The following CREB3L3 variants were observed in gnomAD, a reference collection of about 807,000 sequenced individuals.
The protein encoded by CREB3L3 is cyclic AMP-responsive element-binding protein 3-like protein 3.
Under a neutral mutation model 44.6 loss-of-function variants are expected in CREB3L3, and 40 were observed. The observed-to-expected ratio is 0.90, with a 90% CI of 0.70 to 1.17. The LOEUF is 1.17. Among genes scored for constraint, CREB3L3 ranks in the 50% most tolerant of loss-of-function variants. CREB3L3 has a pLI of 0.00. For missense variants in CREB3L3, 578 were observed against 595.8 expected (o/e 0.97, Z 0.31); for synonymous variants, 273 against 256.3 (o/e 1.06, Z -0.62).
chr19:4,169,579 C>T lies in CREB3L3; in HGVS notation c.822-561C>T, dbSNP rs960576800. ...AACATCACTGCCTGAATCTAGGAGGCTCAGCTTTTTTTTTTTTTTTTTTTT... is the reference window on the plus strand; with the variant it reads ...AACATCACTGCCTGAATCTAGGAGGTTCAGCTTTTTTTTTTTTTTTTTTTT... On this transcript the variant is annotated intron_variant, in intron 6 of 9. Coordinates refer to ENST00000078445, the MANE Select transcript of CREB3L3 (RefSeq NM_032607.3). Among the ~76,000 whole-genome samples the T allele has an allele frequency of 3.4e-5, 5 of 145,120 alleles. No homozygotes were observed. The East Asian group carries it at 8.0e-4, about 23-fold the overall frequency.
chr19:4,155,267 G>A (rs1405990462), intron 2 of CREB3L3, among the ~76,000 whole-genome samples: 3 of 152,188 alleles, frequency 2.0e-5, no homozygotes, highest in African/African-American at 4.8e-5. Flanking sequence ...AAGTCACACA[G>A]CAATTTGGAG....
rs764556015 is a variant in CREB3L3, at chr19:4,157,016, T to C, written c.178T>C (p.Ser60Pro). 4 of 1,613,868 alleles carry C rather than the reference T, an allele frequency of 2.5e-6. No homozygotes were observed. In the Admixed American group the frequency reaches 6.7e-5, roughly 27 times the overall value. ...KDQQVLPNPD[S>P]DDFLSSILGS... ...CCAGCAGGTCCTGCCAAACCCCGACTCTGACGACTTCCTCAGCTCCATCCT... is the reference window on the plus strand; with the variant it reads ...CCAGCAGGTCCTGCCAAACCCCGACCCTGACGACTTCCTCAGCTCCATCCT... Residue 60 changes from serine to proline, a missense_variant, in exon 3 of 10, where the codon TCT becomes CCT. Physicochemically the swap from Ser to Pro is moderately conservative, Grantham distance 74. Transcript: ENST00000078445.
chr19:4,159,583 AG>A, intron 3 of CREB3L3, 80 bp from the exon 4 acceptor site: 1 of 782,592 alleles, frequency 1.3e-6, no homozygotes, highest in South Asian at 1.3e-5. Flanking sequence ...GACTTGGTGG[AG>A]GAGGCGGTTA....
chr19:4,170,069 T>G (rs1967009061), intron 6 of CREB3L3, 71 bp from the exon 7 acceptor site: 2 of 1,456,356 alleles, frequency 1.4e-6, no homozygotes, highest in African/African-American at 2.8e-5. Context: ...GTGAGGCCTC[T>G]GGGGGAGATG....
At chr19:4,158,785 G>A (rs989765503) in intron 3 of CREB3L3, among the ~76,000 whole-genome samples, 1 of 147,780 alleles carries the variant, frequency 6.8e-6, no homozygotes, top group Admixed American at 6.8e-5. Context: ...TGGCGACAGA[G>A]CGAGACTCCG....
At chr19:4,166,169 A>G (rs534261873) in intron 5 of CREB3L3, among the ~76,000 whole-genome samples, 5 of 151,084 alleles carry the variant, frequency 3.3e-5, no homozygotes, top group East Asian at 2.0e-4. Context: ...GCTCACTCCA[A>G]CTTCCCCCTC....
intron 7 of CREB3L3, among the ~76,000 whole-genome samples, chr19:4,170,454 A>C (rs1366366025): frequency 6.6e-6 from 1 of 152,022 alleles, no homozygotes; most frequent in Non-Finnish European, 1.5e-5. Context: ...TACTAAAAAT[A>C]CAAAAAAATT....
Position 4,168,392 on chromosome 19 carries a change from G to C in CREB3L3, c.756G>C (p.Arg252=), listed in dbSNP as rs756380432. The C allele has an allele frequency of 2.0e-5, 33 of 1,611,666 alleles. No individual in the cohort carries two copies. Among genetic ancestry groups the C allele is most frequent in the Non-Finnish European group, 2.7e-5 (32 of 1,178,726 alleles). The change falls in exon 6 of 10, where the codon CGG becomes CGC. Residue 252 remains arginine (R), a synonymous_variant. Transcript: ENST00000078445. Reference sequence around the variant, plus strand: ...TGAAAAAAATCCGCCGGAAAATCCGGAACAAGCAGTCGGCGCAAGAAAGCA... The same window carrying C: ...TGAAAAAAATCCGCCGGAAAATCCGCAACAAGCAGTCGGCGCAAGAAAGCA... ...RVLKKIRRKI[R]NKQSAQESRK...
Position 4,155,159 on chromosome 19 carries a change from G to A in CREB3L3, c.156+132G>A, listed in dbSNP as rs577110408. 1,089 of 1,148,380 alleles carry A rather than the reference G, an allele frequency of 9.5e-4. 3 individuals carry two copies. Among genetic ancestry groups the A allele is most frequent in the Middle Eastern group, 2.3e-3 (8 of 3,498 alleles). The allele number at this position is 1,148,380 out of a possible 1,614,324, so 71.1% of individuals were successfully genotyped here. A position where few individuals can be genotyped will look rare whatever the true frequency, so the allele number is the denominator to read the frequency against. On this transcript the variant is annotated intron_variant, in intron 2 of 9. Coordinates refer to ENST00000078445, the MANE Select transcript of CREB3L3 (RefSeq NM_032607.3). ...GCTCTACGATGCACTAATGGGTCAC[G>A]GTGCTTGATTTTAGCCAAGCACATC...
chr19:4,155,504 G>A (rs1230243123), intron 2 of CREB3L3, among the ~76,000 whole-genome samples: 1 of 149,596 alleles, frequency 6.7e-6, no homozygotes, highest in Admixed American at 6.7e-5. Flanking sequence ...GATTACAGGC[G>A]CCCGCCACTG....
At chr19:4,155,130 C>G in intron 2 of CREB3L3, 103 bp downstream of exon 2, 3 of 1,431,770 alleles carry the variant, frequency 2.1e-6, no homozygotes, top group Non-Finnish European at 1.9e-6. Context: ...CAGAGCTCTG[C>G]TCAGCTCTAC....
chr19:4,158,966 A>G (rs2041624778), intron 3 of CREB3L3, among the ~76,000 whole-genome samples: 1 of 152,146 alleles, frequency 6.6e-6, no homozygotes, highest in Non-Finnish European at 1.5e-5. Flanking sequence ...GGACAACCAG[A>G]GGTGAATCAG....
chr19:4,161,632 GGT>G (rs1420874255), intron 4 of CREB3L3, among the ~76,000 whole-genome samples: 5 of 19,816 alleles, frequency 2.5e-4, no homozygotes, highest in Non-Finnish European at 5.6e-4. Flanking sequence ...CAGATGAGAA[GGT>G]AGGTCAAGGC....
In CREB3L3 at chr19:4,153,651, T is replaced by G; in HGVS notation, c.-97T>G. On this transcript the variant is annotated 5_prime_UTR_variant, in exon 1 of 10. Transcript: ENST00000078445. ...GTGGTGACAGAGCCACAGAGGGCTGTGAGCTTGCCCGGCCCCAGGTAACGC... is the reference window on the plus strand; with the variant it reads ...GTGGTGACAGAGCCACAGAGGGCTGGGAGCTTGCCCGGCCCCAGGTAACGC... 1 of 1,474,414 alleles carries G rather than the reference T, an allele frequency of 6.8e-7. No individual in the cohort carries two copies. Among genetic ancestry groups the G allele is most frequent in the Non-Finnish European group, 9.4e-7 (1 of 1,060,390 alleles). The allele number at this position is 1,474,414 out of a possible 1,614,324, so 91.3% of individuals were successfully genotyped here.
Position 4,171,765 on chromosome 19 carries a change from GTC to G in CREB3L3, c.1185_1186del (p.Pro396ArgfsTer97). 1 of 1,613,398 alleles carries G rather than the reference GTC, an allele frequency of 6.2e-7. No homozygotes were observed. The highest frequency in any genetic ancestry group is 8.5e-7 in the Non-Finnish European group (1 of 1,180,016). ...CCGAGGCTGACACAACCCGAGAAGA[GTC>G]TCCAGGAAGCCCCGGGGCAGACTGG... ...RPEADTTREE[S>X]PGSPGADWGF... On this transcript the variant is annotated frameshift_variant, in exon 10 of 10. Coordinates refer to ENST00000078445, the MANE Select transcript of CREB3L3 (RefSeq NM_032607.3). LOFTEE classifies it low-confidence loss of function (END_TRUNC). This position sits in a 1 kb window ranked among gnomAD's most constrained non-coding sequence, Gnocchi z 4.9.
chr19:4,171,548 G>A lies in CREB3L3; in HGVS notation c.1072+69G>A. 6.2e-7 allele frequency: 1 copy of A among 1,600,956 alleles called. No homozygotes were observed. The highest frequency in any genetic ancestry group is 8.6e-7 in the Non-Finnish European group (1 of 1,168,502). On this transcript the variant is annotated intron_variant, in intron 9 of 9. Transcript: ENST00000078445. The surrounding 1 kb of genome is among the most constrained non-coding windows in gnomAD (Gnocchi z 4.9). ...GTCCCCGTCCTGGGCCTCTGGGGGA[G>A]GGGGAGAAGACCCCTGTGCCCTTGT...
chr19:4,171,032 G>C lies in CREB3L3; in HGVS notation c.891-59G>C. ...GCGGGGCTGGGGGACCCCGGAAATGGACGAGAAGCAGAACCGAGGCCCTTT... is the reference window on the plus strand; with the variant it reads ...GCGGGGCTGGGGGACCCCGGAAATGCACGAGAAGCAGAACCGAGGCCCTTT... On this transcript the variant is annotated intron_variant, in intron 7 of 9. Coordinates refer to ENST00000078445, the MANE Select transcript of CREB3L3 (RefSeq NM_032607.3). The surrounding 1 kb of genome is among the most constrained non-coding windows in gnomAD (Gnocchi z 4.9). 1.5e-6 allele frequency: 2 copies of C among 1,377,662 alleles called. No individual in the cohort carries two copies. The highest frequency in any genetic ancestry group is 2.1e-6 in the Non-Finnish European group (2 of 964,234). The allele number at this position is 1,377,662 out of a possible 1,614,324, so 85.3% of individuals were successfully genotyped here.
chr19:4,172,111 C>A lies in CREB3L3; in HGVS notation c.*142C>A, dbSNP rs1469872113. The stretch of plus-strand genomic sequence containing the variant: ...AGAATGGGGGAGGCACAGCTCATAG[C>A]CACACACCCAGGGCCTGACTGAGGC... On this transcript the variant is annotated 3_prime_UTR_variant, in exon 10 of 10. Coordinates refer to ENST00000078445, the MANE Select transcript of CREB3L3 (RefSeq NM_032607.3). The A allele has an allele frequency of 1.1e-6, 1 of 910,982 alleles. No individual in the cohort carries two copies. Among genetic ancestry groups the A allele is most frequent in the Non-Finnish European group, 1.6e-6 (1 of 619,770 alleles). 56.4% of individuals were successfully genotyped at this position (910,982 alleles called of 1,614,324 possible). A position where few individuals can be genotyped will look rare whatever the true frequency, so the allele number is the denominator to read the frequency against.
intron 4 of CREB3L3, among the ~76,000 whole-genome samples, chr19:4,161,702 G>A (rs2041664640): frequency 6.6e-6 from 1 of 152,206 alleles, no homozygotes; most frequent in South Asian, 2.1e-4. Flanking sequence ...CAGACTCAGG[G>A]TTTTGAAATC....
Sources: allele counts gnomAD v4.1 joint callset (sites outside exome capture counted in the v4.1 genomes callset), GRCh38; gene constraint gnomAD v4.1.1; non-coding constraint Gnocchi (gnomAD v3.1); transcripts MANE v1.5; gene names NCBI Gene and HGNC (gene_info 2026-07-23, HGNC 2026-07-21).